Variants in XXYLT1 observed in about 807,000 individuals in gnomAD.
XXYLT1 encodes the protein xyloside xylosyltransferase 1.
In XXYLT1, 20 loss-of-function variants were observed where a neutral mutation model predicts 28.9. That is an observed-to-expected ratio of 0.69 (90% confidence interval 0.49 to 1.00). The LOEUF is 1.00. Among genes scored for constraint, XXYLT1 ranks in the 50% least tolerant of loss-of-function variants. The pLI is 0.00. For synonymous variants in XXYLT1, 257 were observed against 253.8 expected (o/e 1.01, Z -0.12); for missense variants, 542 against 560.1 (o/e 0.97, Z 0.33).
At chr3:195,166,919 C>T (rs760341714) in intron 2 of XXYLT1, among the ~76,000 whole-genome samples, 10 of 152,154 alleles carry the variant, frequency 6.6e-5, no homozygotes, top group Non-Finnish European at 1.3e-4. Context: ...CCTTGTGATC[C>T]ACCCACCTCG....
intron 3 of XXYLT1, among the ~76,000 whole-genome samples, chr3:195,138,100 A>G (rs1261598221): frequency 2.0e-5 from 3 of 152,250 alleles, no homozygotes; most frequent in African/African-American, 7.2e-5. Context: ...GTCAACCTCA[A>G]TGACAGAAAC....
intron 2 of XXYLT1, among the ~76,000 whole-genome samples, chr3:195,203,967 G>C (rs906520956): frequency 2.0e-5 from 3 of 152,238 alleles, no homozygotes; most frequent in Non-Finnish European, 4.4e-5. Context: ...CAGCCCTAAA[G>C]GAGGCGGCGA....
chr3:195,110,307 T>TAA (rs796563177), intron 3 of XXYLT1, among the ~76,000 whole-genome samples: 62 of 3,716 alleles, frequency 0.017, no homozygotes, highest in African/African-American at 0.051. Context: ...GTGTGGTATA[T>TAA]GTGTGTGTGG....
At chr3:195,258,198 G>A (rs542106735) in intron 1 of XXYLT1, among the ~76,000 whole-genome samples, 57 of 152,310 alleles carry the variant, frequency 3.7e-4, no homozygotes, top group African/African-American at 1.2e-3. Flanking sequence ...ACAGCCTTCA[G>A]TGAGGCAACA....
intron 1 of XXYLT1, among the ~76,000 whole-genome samples, chr3:195,252,723 C>CAGAGAGAGAGAGAG (rs1465288212): frequency 2.3e-5 from 3 of 129,228 alleles, no homozygotes; most frequent in African/African-American, 3.3e-5. Flanking sequence ...CACACACACA[C>CAGAGAGAGAGAGAG]ACACAGAGAG....
intron 3 of XXYLT1, among the ~76,000 whole-genome samples, chr3:195,083,302 G>A (rs1397095461): frequency 6.6e-6 from 1 of 152,164 alleles, no homozygotes; most frequent in African/African-American, 2.4e-5. Flanking sequence ...TAAACTGTGA[G>A]CTGAAACAGT....
At chr3:195,165,776 C>T (rs191054546) in intron 2 of XXYLT1, among the ~76,000 whole-genome samples, 15 of 152,174 alleles carry the variant, frequency 9.9e-5, no homozygotes, top group East Asian at 7.7e-4. Context: ...CTATCATCAT[C>T]GTTATATTAG....
chr3:195,132,467 C>CAA lies in XXYLT1; in HGVS notation c.785+23980_785+23981dup, dbSNP rs200263210. Among the ~76,000 whole-genome samples, 5 of 127,190 alleles carry CAA rather than the reference C, an allele frequency of 3.9e-5. No homozygotes were observed. In the South Asian group the frequency reaches 7.3e-4, roughly 19 times the overall value. 83.4% of individuals were successfully genotyped at this position (127,190 alleles called of 152,430 possible). ...GGGCAACAGACTGAGACTCGGTCTC[C>CAA]AAAAAAAAAAAAAGAAAGAAAATAA... On this transcript the variant is annotated intron_variant, in intron 3 of 3. Coordinates refer to ENST00000310380, the MANE Select transcript of XXYLT1 (RefSeq NM_152531.5).
Position 195,232,721 on chromosome 3 carries a change from T to C in XXYLT1, c.505-5865A>G, listed in dbSNP as rs528734807. 3.9e-5 allele frequency among the ~76,000 whole-genome samples: 6 copies of C among 152,364 alleles called. No individual in the cohort carries two copies. The South Asian group carries it at 1.2e-3, about 32-fold the overall frequency. Reference sequence around the variant, plus strand: ...TTCCTGTTATTAATTTCTAGTTTTATTCCATTGTAGTCAGAGAAGATACTT... The same window carrying C: ...TTCCTGTTATTAATTTCTAGTTTTACTCCATTGTAGTCAGAGAAGATACTT... On this transcript the variant is annotated intron_variant, in intron 1 of 3. Coordinates refer to ENST00000310380, the MANE Select transcript of XXYLT1 (RefSeq NM_152531.5).
chr3:195,072,135 G>A (rs1000779665), intron 3 of XXYLT1, among the ~76,000 whole-genome samples: 1 of 152,136 alleles, frequency 6.6e-6, no homozygotes, highest in Admixed American at 6.5e-5. Flanking sequence ...AAGATCACAG[G>A]GCTGATGAGG....
intron 2 of XXYLT1, among the ~76,000 whole-genome samples, chr3:195,211,409 C>T (rs1050434366): frequency 6.6e-5 from 10 of 152,114 alleles, no homozygotes; most frequent in African/African-American, 2.2e-4. Context: ...AGAAAAAGGG[C>T]GAAGGCAGTG....
intron 2 of XXYLT1, among the ~76,000 whole-genome samples, chr3:195,196,600 T>C (rs1722635534): frequency 6.6e-6 from 1 of 152,186 alleles, no homozygotes; most frequent in African/African-American, 2.4e-5. Context: ...AGGCAGGCGA[T>C]GAAAACATAG....
At chr3:195,225,905 A>G (rs1286433052) in intron 2 of XXYLT1, among the ~76,000 whole-genome samples, 3 of 152,086 alleles carry the variant, frequency 2.0e-5, no homozygotes, top group Non-Finnish European at 4.4e-5. Context: ...TTCCCCTTCC[A>G]TGACTGTAAG....
intron 1 of XXYLT1, among the ~76,000 whole-genome samples, chr3:195,263,469 C>T (rs1378048049): frequency 1.3e-5 from 2 of 152,074 alleles, no homozygotes; most frequent in African/African-American, 2.4e-5. Context: ...TGGGAGGGAG[C>T]GAGTTCTCAC....
rs1458260383 is a variant in XXYLT1, at chr3:195,270,659, G to T, written c.400C>A (p.His134Asn). The T allele has an allele frequency of 3.2e-6, 5 of 1,581,120 alleles. No individual in the cohort carries two copies. Among genetic ancestry groups the T allele is most frequent in the African/African-American group, 1.4e-5 (1 of 72,054 alleles). ...ACGAAGTGAAGGTTAAGCACCTCGT[G>T]CGCCTCGAACTTGGCGAGGCGCAGC... ...SLLRLAKFEA[H>N]EVLNLHFVSE... The change falls in exon 1 of 4, where the codon CAC (histidine) becomes AAC (asparagine). Residue 134 changes from histidine (H) to asparagine (N), a missense_variant. By Grantham distance (68) the His-to-Asn change is moderately conservative (BLOSUM62 1). Coordinates refer to ENST00000310380, the MANE Select transcript of XXYLT1 (RefSeq NM_152531.5).
chr3:195,192,419 TG>T (rs1251049238), intron 2 of XXYLT1, among the ~76,000 whole-genome samples: 1 of 150,624 alleles, frequency 6.6e-6, no homozygotes, highest in Non-Finnish European at 1.5e-5. Context: ...AGTGAGACTC[TG>T]TCTCAAGAAA....
intron 3 of XXYLT1, among the ~76,000 whole-genome samples, chr3:195,090,693 A>C (rs1318174651): frequency 6.8e-6 from 1 of 147,860 alleles, no homozygotes; most frequent in Admixed American, 6.7e-5. Context: ...GAACTGAAGG[A>C]AATAGAGACA....
At position 195,108,669 on chromosome 3, in the gene XXYLT1, G is replaced by C. The variant is rs76704604; in HGVS notation, c.786-38558C>G. 5.7e-3 allele frequency among the ~76,000 whole-genome samples: 862 copies of C among 152,250 alleles called. 10 individuals carry two copies. Among genetic ancestry groups the C allele is most frequent in the African/African-American group, 0.02 (824 of 41,530 alleles). On this transcript the variant is annotated intron_variant, in intron 3 of 3. Coordinates refer to ENST00000310380, the MANE Select transcript of XXYLT1 (RefSeq NM_152531.5). Reference sequence around the variant, plus strand: ...CTGCTCCTAGGCTACAAACCTGCATGGCATGTTACTATACTGAATACTGTA... The same window carrying C: ...CTGCTCCTAGGCTACAAACCTGCATCGCATGTTACTATACTGAATACTGTA...
At chr3:195,231,476 C>T (rs190630249) in intron 1 of XXYLT1, among the ~76,000 whole-genome samples, 116 of 152,208 alleles carry the variant, frequency 7.6e-4, no homozygotes, top group Non-Finnish European at 1.5e-3. Context: ...AGAGGAAAGG[C>T]TTTCAGTTTT....
Sources: gnomAD v4.1 joint callset for allele counts (sites outside exome capture counted in the v4.1 genomes callset) on GRCh38, gnomAD v4.1.1 for gene constraint, MANE v1.5 for transcripts, NCBI Gene and HGNC (gene_info 2026-07-23, HGNC 2026-07-21) for gene names.